The following NAV2 variants were observed in gnomAD, a reference collection of about 807,000 sequenced individuals.
NAV2 encodes neuron navigator 2.
Under a neutral mutation model 223.2 loss-of-function variants are expected in NAV2, and 54 were observed. The ratio of observed to expected loss-of-function variants is 0.24; its 90% CI spans 0.19 to 0.30. The LOEUF (loss-of-function observed/expected upper bound fraction) is 0.30. Ranked by LOEUF, NAV2 falls within the 10% of genes least tolerant of loss-of-function variation. The pLI is 1.00. For missense variants in NAV2, 2,806 were observed against 3,147.5 expected, an observed-to-expected ratio of 0.89 and a Z score of 2.60; for synonymous variants, 1,279 against 1,239.3, an observed-to-expected ratio of 1.03 and a Z score of -0.67.
chr11:19,474,886 G>A (rs754709789), intron 1 of NAV2, among the ~76,000 whole-genome samples: 25 of 152,210 alleles, frequency 1.6e-4, no homozygotes, highest in Non-Finnish European at 3.4e-4. Context: ...TGAAGTGGCA[G>A]TCACAAGCCC....
chr11:19,582,340 C>G (rs966294215), intron 1 of NAV2, among the ~76,000 whole-genome samples: 25 of 152,266 alleles, frequency 1.6e-4, no homozygotes, highest in Middle Eastern at 3.4e-3. Flanking sequence ...ATGGTAGTTT[C>G]TTTTGCTGTG....
At chr11:19,747,833 T>C (rs1474347786) in intron 1 of NAV2, among the ~76,000 whole-genome samples, 1 of 152,208 alleles carries the variant, frequency 6.6e-6, no homozygotes, top group African/African-American at 2.4e-5. Context: ...CTACTGTGTG[T>C]CATTTTCTCT....
chr11:19,502,431 A>T (rs2042988294), intron 1 of NAV2, among the ~76,000 whole-genome samples: 1 of 152,226 alleles, frequency 6.6e-6, no homozygotes, highest in African/African-American at 2.4e-5. Flanking sequence ...ATGTTACCTT[A>T]GTTAAAATTA....
At chr11:19,518,014 A>G (rs895591310) in intron 1 of NAV2, among the ~76,000 whole-genome samples, 1 of 152,374 alleles carries the variant, frequency 6.6e-6, no homozygotes, top group South Asian at 2.1e-4. Flanking sequence ...ACAGCAAACA[A>G]TTCCTCTCAA....
chr11:19,973,256 A>C (rs191539108), intron 10 of NAV2, among the ~76,000 whole-genome samples: 3 of 152,276 alleles, frequency 2.0e-5, no homozygotes, highest in Admixed American at 2.0e-4. Flanking sequence ...TAGATGTCAG[A>C]TTCCCACCCC....
chr11:19,632,604 C>G (rs2047377921), intron 1 of NAV2, among the ~76,000 whole-genome samples: 1 of 152,192 alleles, frequency 6.6e-6, no homozygotes. Context: ...TTCAAAGAGG[C>G]TGATTCCTTG....
chr11:19,998,826 T>C lies in NAV2; in HGVS notation c.2768+14579T>C, dbSNP rs1222865828. ...CTCAATCTAAAGAAAGTTTCAGCTG[T>C]TGGTTTCTTTTTGGAAACTGTTTAT... is the stretch of plus-strand genomic sequence containing the variant. On this transcript the variant is annotated intron_variant, in intron 11 of 37. Transcript: ENST00000349880. The surrounding 1 kb of genome is among the most constrained non-coding windows in gnomAD (Gnocchi z 5.0). Among the ~76,000 whole-genome samples the C allele has an allele frequency of 6.6e-6, 1 of 152,240 alleles. No individual in the cohort carries two copies. The highest frequency in any genetic ancestry group is 2.4e-5 in the African/African-American group (1 of 41,462).
chr11:19,942,444 C>A (rs954548791), intron 8 of NAV2, among the ~76,000 whole-genome samples: 1 of 152,122 alleles, frequency 6.6e-6, no homozygotes, highest in Admixed American at 6.5e-5. Flanking sequence ...ACCCTTCTAG[C>A]GAGAGGTTTT....
intron 1 of NAV2, among the ~76,000 whole-genome samples, chr11:19,364,520 A>C (rs1379837785): frequency 6.6e-6 from 1 of 152,190 alleles, no homozygotes; most frequent in African/African-American, 2.4e-5. Context: ...TCTGTCTTCC[A>C]ATTTTGATCC....
rs2896591 is a variant in NAV2, at chr11:19,998,712, T to G, written c.2768+14465T>G. On this transcript the variant is annotated intron_variant, in intron 11 of 37. Coordinates refer to ENST00000349880, the MANE Select transcript of NAV2 (RefSeq NM_145117.5). The surrounding 1 kb of genome is among the most constrained non-coding windows in gnomAD (Gnocchi z 5.0). Reference sequence around the variant, plus strand: ...TCTGCATAGACTGTGCTTCCCCCCCTCTCTCCTTTTCTCCTTATAAGCCTG... The same window carrying G: ...TCTGCATAGACTGTGCTTCCCCCCCGCTCTCCTTTTCTCCTTATAAGCCTG... 0.38 allele frequency among the ~76,000 whole-genome samples: 57,431 copies of G among 151,110 alleles called. 10,944 individuals are homozygous for G. The highest frequency in any genetic ancestry group is 0.47 in the Middle Eastern group (136 of 292).
At chr11:19,711,777 C>T (rs748172290), upstream of NAV2, 11 of 152,226 alleles carry the variant, frequency 7.2e-5, no homozygotes, top group Non-Finnish European at 1.5e-4. Flanking sequence ...CTTACATTGC[C>T]AGGTACTTGT....
intron 1 of NAV2, among the ~76,000 whole-genome samples, chr11:19,484,159 C>CACAA (rs1554945488): frequency 1.4e-5 from 2 of 147,830 alleles, no homozygotes; most frequent in African/African-American, 2.5e-5. Context: ...CACACACACA[C>CACAA]CCCAAGTCTC....
chr11:19,879,755 G>A (rs1007477089), intron 4 of NAV2, 114 bp from the exon 5 acceptor site: 84 of 1,218,780 alleles, frequency 6.9e-5, no homozygotes, highest in Non-Finnish European at 9.6e-5. Context: ...CCAATGAAGT[G>A]TTCAGGAAGC....
chr11:19,411,130 C>A (rs1373377539), intron 1 of NAV2, among the ~76,000 whole-genome samples: 1 of 152,136 alleles, frequency 6.6e-6, no homozygotes, highest in African/African-American at 2.4e-5. Context: ...GACCCCACCC[C>A]CAGAGTTTCT....
intron 20 of NAV2, 69 bp from the exon 21 acceptor site, chr11:20,068,116 TC>T (rs1554943174): frequency 5.2e-6 from 7 of 1,350,250 alleles, no homozygotes; most frequent in African/African-American, 1.4e-5. Context: ...AATATGGTGT[TC>T]CCGATGGGCT....
chr11:19,353,782 G>A (rs750012621), intron 1 of NAV2, among the ~76,000 whole-genome samples: 14 of 152,072 alleles, frequency 9.2e-5, no homozygotes, highest in Non-Finnish European at 1.9e-4. Flanking sequence ...AAATCTGAAT[G>A]TTATAGAAGA....
chr11:19,986,476 C>T (rs61877342), intron 11 of NAV2, among the ~76,000 whole-genome samples: 11,732 of 152,050 alleles, frequency 0.077, 567 homozygotes, highest in South Asian at 0.11. Context: ...AAAAATTAGC[C>T]GTTTGTGGTG....
At chr11:20,051,404 T>C in intron 17 of NAV2, 71 bp downstream of exon 17, 1 of 1,438,370 alleles carries the variant, frequency 7.0e-7, no homozygotes, top group Non-Finnish European at 9.8e-7. Context: ...GACTCCTTCA[T>C]GGCTGGTGGG....
chr11:19,733,462 C>T (rs1304833437), intron 1 of NAV2, among the ~76,000 whole-genome samples: 1 of 152,128 alleles, frequency 6.6e-6, no homozygotes, highest in Non-Finnish European at 1.5e-5. Context: ...TTACGGGAGA[C>T]CGAAACAGTG....
Sources: allele counts gnomAD v4.1 joint callset (sites outside exome capture counted in the v4.1 genomes callset), GRCh38; gene constraint gnomAD v4.1.1; non-coding constraint Gnocchi (gnomAD v3.1); transcripts MANE v1.5; gene names NCBI Gene and HGNC (gene_info 2026-07-23, HGNC 2026-07-21).